The following HPCAL1 variants were observed in gnomAD, a reference collection of about 807,000 sequenced individuals.
HPCAL1 encodes the protein hippocalcin-like protein 1.
A neutral mutation model predicts 17.1 loss-of-function variants in HPCAL1; 8 were observed. That is an observed-to-expected ratio of 0.47 (90% confidence interval 0.27 to 0.84). The LOEUF (loss-of-function observed/expected upper bound fraction) is 0.84, where lower values mean the gene tolerates loss of function less well. Ranked by LOEUF, HPCAL1 falls within the 40% of genes least tolerant of loss-of-function variation. The pLI is 0.13. For synonymous variants in HPCAL1, 112 were observed against 111.4 expected, an observed-to-expected ratio of 1.01 and a Z score of -0.03; for missense variants, 165 against 271.1, an observed-to-expected ratio of 0.61 and a Z score of 2.75.
intron 2 of HPCAL1, among the ~76,000 whole-genome samples, chr2:10,404,152 G>T (rs973616014): frequency 7.2e-5 from 11 of 152,098 alleles, no homozygotes; most frequent in Admixed American, 1.3e-4. Flanking sequence ...GCTGGTGGTG[G>T]TCTCCCCAAA....
intron 1 of HPCAL1, among the ~76,000 whole-genome samples, chr2:10,322,652 T>G (rs1232932324): frequency 6.6e-6 from 1 of 152,214 alleles, no homozygotes; most frequent in African/African-American, 2.4e-5. Flanking sequence ...TCTTCCTGCC[T>G]GGAAAGCAGA....
Position 10,414,365 on chromosome 2 carries a change from A to AGGTGTTGGCAGGGTTG in HPCAL1, c.-24-5336_-24-5321dup, listed in dbSNP as rs367549128. Reference sequence around the variant, plus strand: ...TCACGGTCTGGAGGCCAGAAGTCCAAGGTGTTGGCAGGGTTGGGTGTTGGC... The same window carrying AGGTGTTGGCAGGGTTG: ...TCACGGTCTGGAGGCCAGAAGTCCAAGGTGTTGGCAGGGTTGGGTGTTGGCAGGGTTGGGTGTTGGC... On this transcript the variant is annotated intron_variant, in intron 2 of 4. Transcript: ENST00000307845. 1.1e-3 allele frequency among the ~76,000 whole-genome samples: 166 copies of AGGTGTTGGCAGGGTTG among 152,130 alleles called. 1 individual carries two copies. Among genetic ancestry groups the AGGTGTTGGCAGGGTTG allele is most frequent in the Non-Finnish European group, 2.0e-3 (136 of 67,978 alleles).
intron 3 of HPCAL1, among the ~76,000 whole-genome samples, chr2:10,421,849 C>T (rs994275255): frequency 3.9e-5 from 6 of 152,202 alleles, no homozygotes; most frequent in African/African-American, 1.4e-4. Flanking sequence ...GAATGAGCGA[C>T]CCATTTCCCA....
At chr2:10,372,356 A>C (rs1667270518) in intron 1 of HPCAL1, among the ~76,000 whole-genome samples, 1 of 152,174 alleles carries the variant, frequency 6.6e-6, no homozygotes, top group Admixed American at 6.5e-5. Flanking sequence ...GCCTTCTGTC[A>C]ATTACAAAGC....
At position 10,369,102 on chromosome 2, in the gene HPCAL1, A is replaced by G. The variant is rs954858461; in HGVS notation, c.-110-27733A>G. On this transcript the variant is annotated intron_variant, in intron 1 of 4. Transcript: ENST00000307845. Reference sequence around the variant, plus strand: ...GCCACCTTCGCACTGGAACCTGCCCATCACATCAAGGAGCCCTCTCAGGCT... The same window carrying G: ...GCCACCTTCGCACTGGAACCTGCCCGTCACATCAAGGAGCCCTCTCAGGCT... 8 of 152,306 alleles carry G rather than the reference A, an allele frequency of 5.3e-5. 1 individual carries two copies. The highest frequency in any genetic ancestry group is 4.1e-4 in the South Asian group (2 of 4,822). 9.4% of individuals were successfully genotyped at this position (152,306 alleles called of 1,614,324 possible).
chr2:10,372,891 T>C (rs867953), intron 1 of HPCAL1, among the ~76,000 whole-genome samples: 85,915 of 152,118 alleles, frequency 0.56, 25,717 homozygotes, highest in East Asian at 0.81. Context: ...CCCGGGACTG[T>C]GGCCCCCCTC....
rs1666792037 is a variant in HPCAL1 at position 10,365,493 on chromosome 2, G to A, written c.-110-31342G>A. 6.6e-6 allele frequency among the ~76,000 whole-genome samples: 1 copy of A among 152,142 alleles called. No homozygotes were observed. Among genetic ancestry groups the A allele is most frequent in the Non-Finnish European group, 1.5e-5 (1 of 68,032 alleles). On this transcript the variant is annotated intron_variant, in intron 1 of 4. Transcript: ENST00000307845. The surrounding 1 kb of genome is among the most constrained non-coding windows in gnomAD (Gnocchi z 4.8). Reference sequence around the variant, plus strand: ...CGAAGGCTTGCGGAGGGACAGGTGGGTCTCCCATGGATGGCTTTTCTTGGA... The same window carrying A: ...CGAAGGCTTGCGGAGGGACAGGTGGATCTCCCATGGATGGCTTTTCTTGGA...
chr2:10,421,946 T>C (rs1315316938), intron 3 of HPCAL1, among the ~76,000 whole-genome samples: 2 of 152,224 alleles, frequency 1.3e-5, no homozygotes, highest in Non-Finnish European at 2.9e-5. Context: ...CTTAGCTTCA[T>C]GCAGTGGCGG....
At chr2:10,388,343 G>T (rs541797040) in intron 1 of HPCAL1, among the ~76,000 whole-genome samples, 1 of 152,254 alleles carries the variant, frequency 6.6e-6, no homozygotes, top group Non-Finnish European at 1.5e-5. Flanking sequence ...AAGGTCAGTG[G>T]CATCTGGGAG....
rs117414115 is a variant in HPCAL1 at position 10,366,062 on chromosome 2, G to A, written c.-110-30773G>A. On this transcript the variant is annotated intron_variant, in intron 1 of 4. Transcript: ENST00000307845. The stretch of plus-strand genomic sequence containing the variant: ...CCCGCAGCGTTGTCAATATTTATTC[G>A]TGGTTGCCGCTGCCTCCCTCCTGGA... Among the ~76,000 whole-genome samples the A allele has an allele frequency of 0.01, 1,568 of 152,160 alleles. 85 individuals carry two copies. In the East Asian group the frequency reaches 0.18, roughly 18 times the overall value.
intron 1 of HPCAL1, among the ~76,000 whole-genome samples, chr2:10,332,451 C>T (rs4669571): frequency 6.6e-6 from 1 of 152,016 alleles, no homozygotes; most frequent in Non-Finnish European, 1.5e-5. Context: ...GTGCCCCCTG[C>T]CCCTTATCTA....
chr2:10,320,746 A>G (rs1663624743), intron 1 of HPCAL1, among the ~76,000 whole-genome samples: 1 of 152,182 alleles, frequency 6.6e-6, no homozygotes. Context: ...CCATTCATTC[A>G]TTCATTCACT....
At chr2:10,361,757 A>G (rs1666540449) in intron 1 of HPCAL1, among the ~76,000 whole-genome samples, 1 of 151,578 alleles carries the variant, frequency 6.6e-6, no homozygotes, top group African/African-American at 2.4e-5. Flanking sequence ...ACTCTTGTCA[A>G]CCAGGATGGA....
At chr2:10,364,277 G>A (rs556590202) in intron 1 of HPCAL1, among the ~76,000 whole-genome samples, 7 of 152,194 alleles carry the variant, frequency 4.6e-5, no homozygotes, top group East Asian at 1.9e-4. Context: ...GGGTCCCTCC[G>A]GGAAGCTGAG....
intron 2 of HPCAL1, among the ~76,000 whole-genome samples, chr2:10,417,573 T>G (rs1670752821): frequency 6.6e-6 from 1 of 152,242 alleles, no homozygotes; most frequent in African/African-American, 2.4e-5. Context: ...TGAAGATTAT[T>G]TCTTATGAGT....
At chr2:10,425,436 C>G (rs1378070465) in intron 4 of HPCAL1, 1 of 152,306 alleles carries the variant, frequency 6.6e-6, no homozygotes, top group Non-Finnish European at 1.5e-5. Context: ...TGGAAGAAGC[C>G]AGCCTGCCCA....
chr2:10,307,741 C>G (rs2125376448), intron 1 of HPCAL1, among the ~76,000 whole-genome samples: 1 of 152,348 alleles, frequency 6.6e-6, no homozygotes, highest in East Asian at 1.9e-4. Context: ...TCAGCCCTCT[C>G]TGAGGGCTCA....
At chr2:10,402,927 C>T (rs1669718054) in intron 2 of HPCAL1, among the ~76,000 whole-genome samples, 1 of 152,178 alleles carries the variant, frequency 6.6e-6, no homozygotes, top group Non-Finnish European at 1.5e-5. Context: ...TTCAGTCTAA[C>T]ATTTACAATG....
At position 10,422,990 on chromosome 2, in the gene HPCAL1, A is replaced by G; in HGVS notation, c.386A>G (p.Tyr129Cys). The change falls in exon 4 of 5, where the codon TAC (tyrosine) becomes TGC (cysteine). Residue 129 changes from tyrosine (Y) to cysteine (C), a missense_variant. Transcript: ENST00000307845. ...SEMLEIVQAI[Y>C]KMVSSVMKMP... is the part of the protein sequence containing the mutation. ...CATTGCCCCCATCCGCAGGCCATCT[A>G]CAAGATGGTGTCGTCTGTGATGAAG... 1 of 1,611,134 alleles carries G rather than the reference A, an allele frequency of 6.2e-7. No individual in the cohort carries two copies. Among genetic ancestry groups the G allele is most frequent in the African/African-American group, 1.3e-5 (1 of 75,036 alleles).
Sources: gnomAD v4.1 joint callset for allele counts (sites outside exome capture counted in the v4.1 genomes callset) on GRCh38, gnomAD v4.1.1 for gene constraint, Gnocchi (gnomAD v3.1) non-coding constraint, MANE v1.5 for transcripts, NCBI Gene and HGNC (gene_info 2026-07-23, HGNC 2026-07-21) for gene names.